Variants in DMD observed in about 807,000 individuals in gnomAD.
DMD encodes the protein mutant dystrophin.
DMD carries 63 observed loss-of-function variants against 330.1 expected under a neutral mutation model. The observed-to-expected ratio is 0.19, with a 90% CI of 0.16 to 0.24. DMD has a LOEUF of 0.24. DMD is among the 10% of genes least tolerant of loss of function. The pLI is 1.00. For missense variants in DMD, 3,344 were observed against 2,684.1 expected, an observed-to-expected ratio of 1.25 and a Z score of -5.43; for synonymous variants, 1,223 against 959.8, an observed-to-expected ratio of 1.27 and a Z score of -5.07.
chrX:31,953,301 A>G (rs2095207810), intron 45 of DMD, among the ~76,000 whole-genome samples: 1 of 111,884 alleles, frequency 8.9e-6, no homozygotes, highest in East Asian at 2.8e-4. Flanking sequence ...CTAGGTCTCC[A>G]CCGTTACTGA....
chrX:32,102,090 C>T (rs908607013), intron 44 of DMD: 1 of 111,610 alleles, frequency 9.0e-6, no homozygotes, highest in Non-Finnish European at 1.9e-5. Flanking sequence ...AGCCTAAACG[C>T]GCCCACTCTT....
chrX:31,388,767 T>C (rs894336356), intron 60 of DMD, among the ~76,000 whole-genome samples: 1 of 111,200 alleles, frequency 9.0e-6, no homozygotes, highest in African/African-American at 3.3e-5. Flanking sequence ...CCAGGCATGG[T>C]GGCAGGCACT....
intron 43 of DMD, among the ~76,000 whole-genome samples, chrX:32,253,709 C>T (rs1361136752): frequency 1.9e-5 from 2 of 107,840 alleles, no homozygotes; most frequent in African/African-American, 3.4e-5. Flanking sequence ...CTGCAACCTC[C>T]GCCTGCTGGG....
chrX:32,967,670 C>G (rs967910533), intron 2 of DMD, among the ~76,000 whole-genome samples: 1 of 111,502 alleles, frequency 9.0e-6, no homozygotes, highest in Non-Finnish European at 1.9e-5. Context: ...ACAGCGTCCA[C>G]TAGATTTAAA....
At chrX:32,311,553 C>T (rs1027123390) in intron 41 of DMD, among the ~76,000 whole-genome samples, 1 of 111,562 alleles carries the variant, frequency 9.0e-6, no homozygotes, top group Admixed American at 9.6e-5. Flanking sequence ...CACAAATTAG[C>T]TATTAAATAA....
intron 1 of DMD, among the ~76,000 whole-genome samples, chrX:33,310,677 A>T (rs1473134223): frequency 9.0e-6 from 1 of 111,481 alleles, no homozygotes; most frequent in Non-Finnish European, 1.9e-5. Context: ...CATCATAAGT[A>T]AGCCCTAATT....
chrX:31,921,257 G>A (rs1225019355), intron 47 of DMD, among the ~76,000 whole-genome samples: 1 of 111,818 alleles, frequency 8.9e-6, no homozygotes, highest in Non-Finnish European at 1.9e-5. Context: ...TGAGAATGCT[G>A]GTGTTTGAAA....
At chrX:31,797,779 T>C (rs1196371535) in intron 50 of DMD, among the ~76,000 whole-genome samples, 2 of 110,764 alleles carry the variant, frequency 1.8e-5, no homozygotes, top group Non-Finnish European at 3.8e-5. Flanking sequence ...TGACAAAGAA[T>C]GTAAAAAATG....
At chrX:32,792,778 T>C (rs1332604146) in intron 7 of DMD, among the ~76,000 whole-genome samples, 1 of 112,182 alleles carries the variant, frequency 8.9e-6, no homozygotes, top group African/African-American at 3.2e-5. Context: ...ATTCTAAACA[T>C]ACATACACCC....
chrX:31,537,482 T>C (rs1453214593), intron 55 of DMD, among the ~76,000 whole-genome samples: 1 of 112,346 alleles, frequency 8.9e-6, no homozygotes, highest in Non-Finnish European at 1.9e-5. Context: ...AAAGATTCTC[T>C]AGCCTAGAAC....
At chrX:32,473,735 A>G (rs2040903815) in intron 21 of DMD, among the ~76,000 whole-genome samples, 1 of 111,850 alleles carries the variant, frequency 8.9e-6, no homozygotes, top group Non-Finnish European at 1.9e-5. Flanking sequence ...ATTATATTTA[A>G]TCTGAGCACT....
chrX:31,867,294 C>T (rs1172366340), intron 48 of DMD, among the ~76,000 whole-genome samples: 1 of 108,588 alleles, frequency 9.2e-6, no homozygotes, highest in African/African-American at 3.3e-5. Context: ...TTTGTATGTC[C>T]TTGAATTTTT....
At chrX:33,169,567 G>C (rs2049233165) in intron 1 of DMD, among the ~76,000 whole-genome samples, 1 of 111,644 alleles carries the variant, frequency 9.0e-6, no homozygotes, top group South Asian at 3.7e-4. Context: ...TTTAAATTTT[G>C]AATTAATGTT....
At chrX:33,238,578 A>G (rs1009109085) in intron 1 of DMD, among the ~76,000 whole-genome samples, 7 of 111,521 alleles carry the variant, frequency 6.3e-5, no homozygotes. Flanking sequence ...CTAAATTCAC[A>G]TGATAATTGT....
intron 25 of DMD, among the ~76,000 whole-genome samples, chrX:32,463,063 A>T (rs1171712297): frequency 8.9e-6 from 1 of 112,358 alleles, no homozygotes; most frequent in African/African-American, 3.2e-5. Flanking sequence ...CACATATATT[A>T]GCCATGCATT....
chrX:31,283,341 G>A (rs2052767837), intron 62 of DMD, among the ~76,000 whole-genome samples: 1 of 111,302 alleles, frequency 9.0e-6, no homozygotes, highest in South Asian at 3.7e-4. Flanking sequence ...TTAAATCTAG[G>A]ATACAAATGT....
chrX:32,810,713 G>A (rs925475130), intron 6 of DMD, among the ~76,000 whole-genome samples: 8 of 111,349 alleles, frequency 7.2e-5, no homozygotes, highest in Admixed American at 9.6e-5. Context: ...TCTTGCCTGC[G>A]TTAATTAGTG....
intron 30 of DMD, among the ~76,000 whole-genome samples, chrX:32,396,461 A>G (rs911226968): frequency 4.5e-5 from 5 of 111,499 alleles, no homozygotes; most frequent in Non-Finnish European, 9.4e-5. Flanking sequence ...TGCATTGAGT[A>G]GATTATGCAT....
chrX:32,080,465 G>C (rs749867752), intron 44 of DMD, among the ~76,000 whole-genome samples: 12 of 112,425 alleles, frequency 1.1e-4, no homozygotes, highest in Non-Finnish European at 2.3e-4. Flanking sequence ...TAAATACCCA[G>C]AAGAAATCAG....
Sources: gnomAD v4.1 joint callset for allele counts (sites outside exome capture counted in the v4.1 genomes callset) on GRCh38, gnomAD v4.1.1 for gene constraint, MANE v1.5 for transcripts, NCBI Gene and HGNC (gene_info 2026-07-23, HGNC 2026-07-21) for gene names.